Variants in PDZRN4 observed in about 807,000 individuals in gnomAD.
PDZRN4 encodes the protein PDZ domain containing ring finger 4, also known as PDZ domain-containing RING finger protein 4.
PDZRN4 carries 70 observed loss-of-function variants against 99.0 expected under a neutral mutation model. The observed-to-expected ratio is 0.71, with a 90% CI of 0.58 to 0.86. PDZRN4 has a LOEUF of 0.86. Ranked by LOEUF, PDZRN4 falls within the 40% of genes least tolerant of loss-of-function variation. The pLI is 0.00. For missense variants in PDZRN4, 1,474 were observed against 1,331.2 expected, an observed-to-expected ratio of 1.11 and a Z score of -1.67; for synonymous variants, 551 against 501.6, an observed-to-expected ratio of 1.10 and a Z score of -1.32.
chr12:41,429,369 T>C (rs987797394), intron 3 of PDZRN4, among the ~76,000 whole-genome samples: 2 of 151,910 alleles, frequency 1.3e-5, no homozygotes, highest in East Asian at 1.9e-4. Context: ...ACCAGTGGAG[T>C]GGAGTAAGGT....
At chr12:41,505,516 A>G (rs1378568078) in intron 3 of PDZRN4, among the ~76,000 whole-genome samples, 1 of 152,132 alleles carries the variant, frequency 6.6e-6, no homozygotes, top group Non-Finnish European at 1.5e-5. Flanking sequence ...CAAGTTTGCT[A>G]GGGAAAATGT....
At chr12:41,208,963 AAGTTAAG>A (rs1286084427) in intron 3 of PDZRN4, among the ~76,000 whole-genome samples, 1 of 151,982 alleles carries the variant, frequency 6.6e-6, no homozygotes, top group Non-Finnish European at 1.5e-5. Context: ...GGGATTGTGC[AAGTTAAG>A]TTACATGAAG....
chr12:41,368,946 A>T (rs896046731), intron 3 of PDZRN4, among the ~76,000 whole-genome samples: 3 of 152,082 alleles, frequency 2.0e-5, no homozygotes, highest in Non-Finnish European at 4.4e-5. Context: ...TAAGAGAGTT[A>T]CCCAAGATCG....
chr12:41,403,022 G>T (rs190138507), intron 3 of PDZRN4, among the ~76,000 whole-genome samples: 4 of 152,118 alleles, frequency 2.6e-5, no homozygotes, highest in East Asian at 3.9e-4. Context: ...ATTTGTAATT[G>T]TTCCTGTTTC....
chr12:41,484,952 C>T (rs1261079954), intron 3 of PDZRN4, among the ~76,000 whole-genome samples: 2 of 152,082 alleles, frequency 1.3e-5, no homozygotes, highest in Non-Finnish European at 2.9e-5. Flanking sequence ...AAGGCTGGTC[C>T]TTACCATGTT....
chr12:41,259,408 C>T (rs1951223278), intron 3 of PDZRN4, among the ~76,000 whole-genome samples: 1 of 152,124 alleles, frequency 6.6e-6, no homozygotes, highest in Admixed American at 6.5e-5. Flanking sequence ...CACAATATCA[C>T]CATGTTATAG....
chr12:41,236,737 G>C (rs929562875), intron 3 of PDZRN4, among the ~76,000 whole-genome samples: 1 of 152,080 alleles, frequency 6.6e-6, no homozygotes, highest in African/African-American at 2.4e-5. Flanking sequence ...GAAACAATTA[G>C]ACCTAGATCT....
chr12:41,327,548 C>CT (rs1453938622), intron 3 of PDZRN4, among the ~76,000 whole-genome samples: 1 of 152,110 alleles, frequency 6.6e-6, no homozygotes, highest in African/African-American at 2.4e-5. Flanking sequence ...TGAATAAAAC[C>CT]TATGTGTAGC....
intron 3 of PDZRN4, among the ~76,000 whole-genome samples, chr12:41,448,085 A>G (rs1809443803): frequency 1.3e-5 from 2 of 152,104 alleles, no homozygotes; most frequent in Non-Finnish European, 2.9e-5. Context: ...CTCACCTATG[A>G]GAGCTGATCA....
intron 3 of PDZRN4, among the ~76,000 whole-genome samples, chr12:41,376,710 T>C (rs997761382): frequency 2.0e-5 from 3 of 152,170 alleles, no homozygotes; most frequent in Admixed American, 6.5e-5. Flanking sequence ...TTTTTTTCGT[T>C]GTACAGAATC....
At chr12:41,215,848 A>G (rs1313752202) in intron 3 of PDZRN4, among the ~76,000 whole-genome samples, 2 of 82,100 alleles carry the variant, frequency 2.4e-5, no homozygotes, top group Non-Finnish European at 4.8e-5. Context: ...CTAAGCCTCC[A>G]TAGTTTTTTT....
At chr12:41,515,033 G>T (rs577110741) in intron 5 of PDZRN4, among the ~76,000 whole-genome samples, 1 of 151,924 alleles carries the variant, frequency 6.6e-6, no homozygotes, top group Non-Finnish European at 1.5e-5. Flanking sequence ...GTTGAACAAG[G>T]GCTCAATCAG....
At chr12:41,427,217 A>C (rs909143834) in intron 3 of PDZRN4, among the ~76,000 whole-genome samples, 2 of 152,234 alleles carry the variant, frequency 1.3e-5, no homozygotes, top group Admixed American at 6.5e-5. Context: ...CAAAGTATCC[A>C]TCTAGACATT....
intron 3 of PDZRN4, among the ~76,000 whole-genome samples, chr12:41,349,510 A>T (rs528751581): frequency 6.6e-6 from 1 of 152,046 alleles, no homozygotes; most frequent in Non-Finnish European, 1.5e-5. Flanking sequence ...AAAATAGGTT[A>T]TTGAGATAAA....
intron 3 of PDZRN4, among the ~76,000 whole-genome samples, chr12:41,252,667 G>GA (rs1328324560): frequency 1.3e-5 from 2 of 152,086 alleles, no homozygotes; most frequent in Non-Finnish European, 2.9e-5. Context: ...TTGAACCCGG[G>GA]AGGTGGAGGT....
intron 3 of PDZRN4, among the ~76,000 whole-genome samples, chr12:41,359,799 C>T (rs918309132): frequency 1.3e-5 from 2 of 151,918 alleles, no homozygotes; most frequent in African/African-American, 4.8e-5. Context: ...TTATTAGCAG[C>T]GTGAGAACGG....
chr12:41,266,371 T>A (rs1591990663), intron 3 of PDZRN4, among the ~76,000 whole-genome samples: 1 of 152,124 alleles, frequency 6.6e-6, no homozygotes, highest in Non-Finnish European at 1.5e-5. Flanking sequence ...TTGCATTTTT[T>A]TCCTCTTGGT....
At chr12:41,227,736 A>G (rs1171888933) in intron 3 of PDZRN4, among the ~76,000 whole-genome samples, 2 of 152,086 alleles carry the variant, frequency 1.3e-5, no homozygotes, top group African/African-American at 4.8e-5. Flanking sequence ...CCATGTGCAT[A>G]TGAGATATAT....
At chr12:41,446,546 C>A (rs1355162719) in intron 3 of PDZRN4, among the ~76,000 whole-genome samples, 1 of 151,020 alleles carries the variant, frequency 6.6e-6, no homozygotes, top group African/African-American at 2.4e-5. Flanking sequence ...TTAGGTAAAG[C>A]AAAGTTTGGG....
Sources: gnomAD v4.1 joint callset for allele counts (sites outside exome capture counted in the v4.1 genomes callset) on GRCh38, gnomAD v4.1.1 for gene constraint, MANE v1.5 for transcripts, NCBI Gene and HGNC (gene_info 2026-07-23, HGNC 2026-07-21) for gene names.